The following SETD5 variants were observed in gnomAD, a reference collection of about 807,000 sequenced individuals.
SETD5 encodes the protein SET domain containing 5.
A neutral mutation model predicts 153.3 loss-of-function variants in SETD5; 44 were observed. That is an observed-to-expected ratio of 0.29 (90% CI 0.23 to 0.37). SETD5 has a LOEUF of 0.37. Ranked by LOEUF, SETD5 falls within the 10% of genes least tolerant of loss-of-function variation. SETD5 has a pLI of 1.00. For missense variants in SETD5, 1,544 were observed against 1,768.0 expected, an observed-to-expected ratio of 0.87 and a Z score of 2.27; for synonymous variants, 716 against 645.2, an observed-to-expected ratio of 1.11 and a Z score of -1.66.
intron 7 of SETD5, among the ~76,000 whole-genome samples, chr3:9,438,362 C>G (rs2040848448): frequency 6.6e-6 from 1 of 152,140 alleles, no homozygotes; most frequent in Admixed American, 6.5e-5. Flanking sequence ...CTAATCCTGG[C>G]TACTAAATGC....
chr3:9,441,608 G>A lies in SETD5; in HGVS notation c.826G>A (p.Val276Ile), dbSNP rs747211560. The A allele has an allele frequency of 6.2e-7, 1 of 1,613,942 alleles. No individual in the cohort carries two copies. Among genetic ancestry groups the A allele is most frequent in the East Asian group, 2.2e-5 (1 of 44,880 alleles). Residue 276 changes from valine (V) to isoleucine (I), a missense_variant, in exon 9 of 23, where the codon GTC becomes ATC. By Grantham distance (29) the Val-to-Ile change is conservative. Around this residue, in one of 9 missense-constraint regions of SETD5, gnomAD observed 30 missense variants for 66.0 expected, o/e 0.45. Coordinates refer to ENST00000402198, the MANE Select transcript of SETD5 (RefSeq NM_001080517.3). Reference sequence around the variant, plus strand: ...TTTTATTCAGTTACAGCTGGGAAGAGTCACTCGTGTTCAAAAGCACCGGAA... The same window carrying A: ...TTTTATTCAGTTACAGCTGGGAAGAATCACTCGTGTTCAAAAGCACCGGAA... The part of the protein sequence containing the change: ...GSQMQLQLGR[V>I]TRVQKHRKIL...
chr3:9,470,707 T>C lies in SETD5; in HGVS notation c.2973T>C (p.Asn991=), dbSNP rs2125578956. Residue 991 remains asparagine (N), a synonymous_variant, in exon 19 of 23, where the codon AAT becomes AAC. Transcript: ENST00000402198. ...TGATGTATGCCTACTCCCCTTTGAATGCTATGCCTCGAGCAGATGGACTGT... is the reference window on the plus strand; with the variant it reads ...TGATGTATGCCTACTCCCCTTTGAACGCTATGCCTCGAGCAGATGGACTGT... ...FNLMYAYSPL[N]AMPRADGLYR... The C allele has an allele frequency of 6.2e-7, 1 of 1,614,038 alleles. No homozygotes were observed. The highest frequency in any genetic ancestry group is 8.5e-7 in the Non-Finnish European group (1 of 1,179,888).
In SETD5 at chr3:9,454,622, CAAAAAAAAAAAAAAAAA is replaced by C. The variant is rs67028533; in HGVS notation, c.2476+766_2476+782del. Among the ~76,000 whole-genome samples, 23 of 58,036 alleles carry C rather than the reference CAAAAAAAAAAAAAAAAA, an allele frequency of 4.0e-4. 1 individual carries two copies. The highest frequency in any genetic ancestry group is 1.2e-3 in the South Asian group (1 of 810). The allele number at this position is 58,036 out of a possible 152,430, so 38.1% of individuals were successfully genotyped here. On this transcript the variant is annotated intron_variant, in intron 17 of 22. Transcript: ENST00000402198. ...GGGCGACAAGAATGAAACTCCGTCT[CAAAAAAAAAAAAAAAAA>C]AAAAAAAAAAACAAATTTTTTAAGA... is the stretch of plus-strand genomic sequence containing the variant.
chr3:9,475,610 A>C lies in SETD5; in HGVS notation c.3848A>C (p.Asn1283Thr), dbSNP rs1189726240. The C allele has an allele frequency of 3.7e-6, 6 of 1,612,544 alleles. No individual in the cohort carries two copies. The South Asian group carries it at 5.5e-5, about 15-fold the overall frequency. The change falls in exon 23 of 23, where the codon AAC (asparagine) becomes ACC (threonine). Residue 1283 changes from asparagine (N) to threonine (T), a missense_variant. This residue lies in a region of SETD5 where 302 missense variants were observed against 277.6 expected (regional missense o/e 1.09). Transcript: ENST00000402198. ...SYRTTALRPG[N>T]PPSHGSSESS... ...CGAACTACTGCACTGAGACCTGGAA[A>C]CCCCCCCTCTCACGGTTCTTCAGAA... is the stretch of plus-strand genomic sequence containing the variant.
At chr3:9,462,170 C>T (rs181533069) in intron 17 of SETD5, among the ~76,000 whole-genome samples, 5 of 152,320 alleles carry the variant, frequency 3.3e-5, no homozygotes, top group African/African-American at 1.2e-4. Flanking sequence ...TTACTAGTCT[C>T]ATACTGACCA....
chr3:9,474,979 A>G, intron 21 of SETD5, 89 bp from the exon 22 acceptor site: 1 of 1,179,224 alleles, frequency 8.5e-7, no homozygotes, highest in Non-Finnish European at 1.2e-6. Flanking sequence ...CGGGTTGGTG[A>G]TGGCACTGGT....
At chr3:9,427,794 T>C (rs183855178) in intron 2 of SETD5, among the ~76,000 whole-genome samples, 1 of 152,342 alleles carries the variant, frequency 6.6e-6, no homozygotes, top group Admixed American at 6.5e-5. Context: ...TTCAATGTTT[T>C]TTACACTACT....
chr3:9,442,834 G>A (rs1185788464), intron 10 of SETD5: 4 of 166,266 alleles, frequency 2.4e-5, no homozygotes, highest in South Asian at 2.7e-4. Context: ...TCAGGAGTTC[G>A]AGACCAGCCT....
chr3:9,408,125 C>G (rs1445198762), intron 1 of SETD5, among the ~76,000 whole-genome samples: 1 of 152,164 alleles, frequency 6.6e-6, no homozygotes, highest in African/African-American at 2.4e-5. Context: ...AAAAATGTCT[C>G]AATTTGGATC....
intron 3 of SETD5, chr3:9,433,580 A>G: frequency 7.7e-7 from 1 of 1,292,062 alleles, no homozygotes; most frequent in Admixed American, 2.3e-5. Context: ...TGTGTTTGTC[A>G]TTAGGGACAC....
chr3:9,438,757 A>G (rs1231031629), intron 7 of SETD5, among the ~76,000 whole-genome samples: 1 of 152,218 alleles, frequency 6.6e-6, no homozygotes, highest in Non-Finnish European at 1.5e-5. Context: ...TTTGGACCAG[A>G]TAATTCTTTG....
chr3:9,463,110 C>T (rs2044178321), intron 17 of SETD5, among the ~76,000 whole-genome samples: 1 of 152,182 alleles, frequency 6.6e-6, no homozygotes, highest in Admixed American at 6.5e-5. Context: ...ACCTCTGCCT[C>T]CTGGGTTCAA....
intron 3 of SETD5, chr3:9,433,558 A>T (rs1262779846): frequency 7.7e-7 from 1 of 1,296,778 alleles, no homozygotes; most frequent in South Asian, 1.2e-5. Context: ...CTCCCCGCTC[A>T]GCTGGTACGT....
intron 1 of SETD5, among the ~76,000 whole-genome samples, chr3:9,409,438 G>C (rs1219809432): frequency 6.6e-6 from 1 of 152,146 alleles, no homozygotes; most frequent in Non-Finnish European, 1.5e-5. Flanking sequence ...TGTTTGATAT[G>C]TTACAGTCTC....
At chr3:9,414,599 G>A (rs2037134660) in intron 1 of SETD5, among the ~76,000 whole-genome samples, 2 of 152,110 alleles carry the variant, frequency 1.3e-5, no homozygotes, top group South Asian at 4.1e-4. Flanking sequence ...GGCTAAATAG[G>A]TAATGGTCCT....
Position 9,475,758 on chromosome 3 carries a change from C to T in SETD5, c.3996C>T (p.Gly1332=). The T allele has an allele frequency of 1.2e-6, 2 of 1,613,974 alleles. No individual in the cohort carries two copies. Among genetic ancestry groups the T allele is most frequent in the Non-Finnish European group, 1.7e-6 (2 of 1,179,854 alleles). The change falls in exon 23 of 23, where the codon GGC becomes GGT. Residue 1332 remains glycine (G), a synonymous_variant. Coordinates refer to ENST00000402198, the MANE Select transcript of SETD5 (RefSeq NM_001080517.3). ...SSQPHSGNST[G]SNLPRRSCPS... Reference sequence around the variant, plus strand: ...AGCCACATTCTGGAAACAGCACTGGCAGCAATCTTCCAAGGAGGAGCTGCC... The same window carrying T: ...AGCCACATTCTGGAAACAGCACTGGTAGCAATCTTCCAAGGAGGAGCTGCC...
intron 1 of SETD5, among the ~76,000 whole-genome samples, chr3:9,410,456 A>G (rs1246427969): frequency 6.6e-6 from 1 of 152,218 alleles, no homozygotes; most frequent in African/African-American, 2.4e-5. Flanking sequence ...TTTGATACAC[A>G]GTGAGGTTAA....
chr3:9,430,424 T>C (rs1219202233), intron 3 of SETD5: 1 of 835,554 alleles, frequency 1.2e-6, no homozygotes, highest in African/African-American at 1.8e-5. Context: ...TAGAGCTTTT[T>C]TCTTCTTTTG....
chr3:9,461,226 G>C (rs192814301), intron 17 of SETD5, among the ~76,000 whole-genome samples: 21 of 152,158 alleles, frequency 1.4e-4, no homozygotes, highest in Admixed American at 1.4e-3. Flanking sequence ...CCTACATGTA[G>C]CCATTTGTTC....
Sources: gnomAD v4.1 joint callset for allele counts (sites outside exome capture counted in the v4.1 genomes callset) on GRCh38, gnomAD v4.1.1 for gene constraint, gnomAD v4.1.1 regional missense constraint, MANE v1.5 for transcripts, NCBI Gene and HGNC (gene_info 2026-07-23, HGNC 2026-07-21) for gene names.